The following TBC1D23 variants were observed in gnomAD, a reference collection of about 807,000 sequenced individuals.
The protein encoded by TBC1D23 is HCV non-structural protein 4A-transactivated protein 1.
A neutral mutation model predicts 91.4 loss-of-function variants in TBC1D23; 55 were observed. That is an observed-to-expected ratio of 0.60 (90% CI 0.48 to 0.75). TBC1D23 has a LOEUF of 0.75. TBC1D23 is among the 30% of genes least tolerant of loss of function. The pLI is 0.00. For synonymous variants in TBC1D23, 289 were observed against 281.0 expected (o/e 1.03, Z -0.28); for missense variants, 725 against 836.1 (o/e 0.87, Z 1.64).
chr3:100,295,992 G>T (rs1366825965), intron 7 of TBC1D23, among the ~76,000 whole-genome samples, 180 bp from the exon 8 acceptor site: 1 of 152,152 alleles, frequency 6.6e-6, no homozygotes, highest in Admixed American at 6.5e-5. Flanking sequence ...ACTGACAAGA[G>T]ATTTACATTA....
At chr3:100,316,071 T>C (rs1705738900) in intron 15 of TBC1D23, 28 bp from the exon 16 acceptor site, 3 of 1,540,536 alleles carry the variant, frequency 1.9e-6, no homozygotes, top group Non-Finnish European at 2.7e-6. Context: ...TAAGTGATTA[T>C]TTCTCTCCTA....
chr3:100,295,003 T>C, intron 5 of TBC1D23, 84 bp from the exon 6 acceptor site: 1 of 1,300,586 alleles, frequency 7.7e-7, no homozygotes, highest in Non-Finnish European at 1.0e-6. Context: ...TGATATAATG[T>C]TTCTTATTCA....
In TBC1D23 at chr3:100,291,967, G is replaced by A. The variant is rs561417697; in HGVS notation, c.600+1266G>A. 8.5e-5 allele frequency among the ~76,000 whole-genome samples: 13 copies of A among 152,094 alleles called. No individual in the cohort carries two copies. In the South Asian group the frequency reaches 2.3e-3, roughly 27 times the overall value. On this transcript the variant is annotated intron_variant, in intron 5 of 18. Coordinates refer to ENST00000394144, the MANE Select transcript of TBC1D23 (RefSeq NM_001199198.3). ...TTTAGTAAAGACGGGGTTTCACCAC[G>A]ATGGCCAGGCTGGTCTCGAACTCCT...
intron 1 of TBC1D23, 32 bp downstream of exon 1, chr3:100,261,103 C>G (rs372577547): frequency 1.9e-6 from 3 of 1,600,480 alleles, no homozygotes; most frequent in Non-Finnish European, 1.7e-6. Flanking sequence ...TTTCCAATGC[C>G]CCTTTATTCT....
At chr3:100,317,958 A>G (rs981968121) in intron 16 of TBC1D23, among the ~76,000 whole-genome samples, 4 of 152,040 alleles carry the variant, frequency 2.6e-5, no homozygotes, top group African/African-American at 2.4e-5. Flanking sequence ...ATTTAAGTGT[A>G]TATATACATT....
chr3:100,293,289 A>G (rs1219237413), intron 5 of TBC1D23, among the ~76,000 whole-genome samples: 1 of 152,028 alleles, frequency 6.6e-6, no homozygotes, highest in African/African-American at 2.4e-5. Flanking sequence ...GCCCGCCACC[A>G]CACCCGGCTA....
chr3:100,295,152 A>T lies in TBC1D23; in HGVS notation c.666A>T (p.Leu222=). The change falls in exon 6 of 19, where the codon CTA becomes CTT. Residue 222 remains leucine, a synonymous_variant. Coordinates refer to ENST00000394144, the MANE Select transcript of TBC1D23 (RefSeq NM_001199198.3). The part of the protein sequence containing the change: ...EVTQAIWDGY[L]QQADPFFIYF... Reference sequence around the variant, plus strand: ...CTCAGGCAATATGGGATGGATATCTACAACAAGCAGATCCATTTTTTATTT... The same window carrying T: ...CTCAGGCAATATGGGATGGATATCTTCAACAAGCAGATCCATTTTTTATTT... The T allele has an allele frequency of 6.2e-7, 1 of 1,605,924 alleles. No individual in the cohort carries two copies. The highest frequency in any genetic ancestry group is 8.5e-7 in the Non-Finnish European group (1 of 1,176,062).
chr3:100,287,219 T>C (rs1221111990), intron 4 of TBC1D23, among the ~76,000 whole-genome samples: 1 of 152,178 alleles, frequency 6.6e-6, no homozygotes, highest in South Asian at 2.1e-4. Context: ...CTCAAGCGAT[T>C]CTCCTGCTTC....
intron 1 of TBC1D23, 70 bp from the exon 2 acceptor site, chr3:100,279,579 T>C: frequency 9.1e-7 from 1 of 1,095,700 alleles, no homozygotes; most frequent in Non-Finnish European, 1.3e-6. Context: ...AGGCCATGCT[T>C]ATAAATGAAT....
chr3:100,281,753 T>C lies in TBC1D23; in HGVS notation c.177T>C (p.Asn59=). The C allele has an allele frequency of 6.2e-7, 1 of 1,610,516 alleles. No individual in the cohort carries two copies. Among genetic ancestry groups the C allele is most frequent in the Non-Finnish European group, 8.5e-7 (1 of 1,177,062 alleles). ...LRAKVWKIAL[N]VAGKGDSLAS... ...AATCTTTCTTCCAGATTGCTCTGAATGTTGCAGGAAAAGGTGATAGTTTGG... is the reference window on the plus strand; with the variant it reads ...AATCTTTCTTCCAGATTGCTCTGAACGTTGCAGGAAAAGGTGATAGTTTGG... Residue 59 remains asparagine (N), a synonymous_variant, in exon 3 of 19, where the codon AAT becomes AAC. Transcript: ENST00000394144.
intron 17 of TBC1D23, 95 bp downstream of exon 17, chr3:100,319,299 T>A: frequency 1.0e-6 from 1 of 971,398 alleles, no homozygotes; most frequent in East Asian, 2.5e-5. Flanking sequence ...TTTATCCTAG[T>A]ACAATAAGAT....
intron 13 of TBC1D23, among the ~76,000 whole-genome samples, chr3:100,309,576 G>T (rs1168978010): frequency 6.8e-6 from 1 of 147,410 alleles, no homozygotes; most frequent in African/African-American, 2.5e-5. Flanking sequence ...GCACATATAT[G>T]TGCAAGTATA....
intron 9 of TBC1D23, among the ~76,000 whole-genome samples, chr3:100,298,847 G>A (rs950521658): frequency 6.6e-6 from 1 of 152,120 alleles, no homozygotes; most frequent in Non-Finnish European, 1.5e-5. Context: ...TAGTTCTTAC[G>A]TGAATTGAGC....
At chr3:100,311,150 C>T (rs959547332) in intron 14 of TBC1D23, among the ~76,000 whole-genome samples, 2 of 151,930 alleles carry the variant, frequency 1.3e-5, no homozygotes, top group Non-Finnish European at 2.9e-5. Context: ...CTTTCTTGTT[C>T]CTAGAGTTCA....
At chr3:100,309,503 A>T (rs1328535271) in intron 13 of TBC1D23, among the ~76,000 whole-genome samples, 2 of 152,232 alleles carry the variant, frequency 1.3e-5, no homozygotes, top group East Asian at 3.9e-4. Flanking sequence ...CTAGTCTGAG[A>T]TAAGAAAGGT....
Position 100,297,988 on chromosome 3 carries a change from G to A in TBC1D23, c.942G>A (p.Gln314=), listed in dbSNP as rs561906114. 6 of 1,613,366 alleles carry A rather than the reference G, an allele frequency of 3.7e-6. No individual in the cohort carries two copies. The African/African-American group carries it at 8.0e-5, about 22-fold the overall frequency. ...GIKDDDADLS[Q]ALCLAISVSE... is the part of the protein sequence containing the mutation. ...AGGATGATGATGCAGATCTGAGTCA[G>A]GCTCTTTGTCTGGCCATCTCCGTGT... is the stretch of plus-strand genomic sequence containing the variant. Residue 314 remains glutamine (Q), a synonymous_variant, in exon 9 of 19, where the codon CAG becomes CAA. Coordinates refer to ENST00000394144, the MANE Select transcript of TBC1D23 (RefSeq NM_001199198.3).
intron 1 of TBC1D23, among the ~76,000 whole-genome samples, chr3:100,262,800 C>A (rs1375755707): frequency 6.9e-6 from 1 of 144,046 alleles, no homozygotes; most frequent in African/African-American, 2.5e-5. Flanking sequence ...CATATTTCAA[C>A]ATGTAATCAT....
rs559136183 is a variant in TBC1D23, at chr3:100,272,710, G to C, written c.54-6939G>C. Among the ~76,000 whole-genome samples, 11 of 152,254 alleles carry C rather than the reference G, an allele frequency of 7.2e-5. No homozygotes were observed. In the East Asian group the frequency reaches 2.1e-3, roughly 29 times the overall value. ...TTTCTCAGAGAGGGGGATGTGGCAG[G>C]GTCATAGGATAATAGTGGAGAGAAG... On this transcript the variant is annotated intron_variant, in intron 1 of 18. Coordinates refer to ENST00000394144, the MANE Select transcript of TBC1D23 (RefSeq NM_001199198.3).
chr3:100,285,752 C>G (rs1382578344), intron 4 of TBC1D23, among the ~76,000 whole-genome samples: 1 of 152,158 alleles, frequency 6.6e-6, no homozygotes, highest in Non-Finnish European at 1.5e-5. Flanking sequence ...TGATTATAGC[C>G]CATCCTAGTG....
Sources: gnomAD v4.1 joint callset for allele counts (sites outside exome capture counted in the v4.1 genomes callset) on GRCh38, gnomAD v4.1.1 for gene constraint, MANE v1.5 for transcripts, NCBI Gene and HGNC (gene_info 2026-07-23, HGNC 2026-07-21) for gene names.